The following PPP4R2 variants were observed in gnomAD, a reference collection of about 807,000 sequenced individuals.
PPP4R2 encodes serine/threonine-protein phosphatase 4 regulatory subunit 2.
A neutral mutation model predicts 47.2 loss-of-function variants in PPP4R2; 13 were observed. The observed-to-expected ratio is 0.28, with a 90% confidence interval of 0.18 to 0.44. PPP4R2 has a LOEUF of 0.44. Ranked by LOEUF, PPP4R2 falls within the 20% of genes least tolerant of loss-of-function variation. The pLI is 1.00. For synonymous variants in PPP4R2, 151 were observed against 163.3 expected (o/e 0.92, Z 0.57); for missense variants, 421 against 491.2 (o/e 0.86, Z 1.35).
chr3:73,032,948 T>A (rs1386047103), intron 2 of PPP4R2, among the ~76,000 whole-genome samples: 2 of 152,226 alleles, frequency 1.3e-5, no homozygotes, highest in East Asian at 3.9e-4. Context: ...TCTTAACTGC[T>A]CCATTCTGGA....
At chr3:73,045,255 G>C (rs142827979) in intron 2 of PPP4R2, among the ~76,000 whole-genome samples, 2 of 152,000 alleles carry the variant, frequency 1.3e-5, no homozygotes, top group Non-Finnish European at 2.9e-5. Context: ...TTCCTGTCTC[G>C]GCTTCCCAAA....
chr3:73,027,750 TAGTA>T (rs1354789735), intron 2 of PPP4R2: 1 of 151,468 alleles, frequency 6.6e-6, no homozygotes, highest in Non-Finnish European at 1.5e-5. Flanking sequence ...TGTTACTGGA[TAGTA>T]AGGGCAATGC....
intron 2 of PPP4R2, among the ~76,000 whole-genome samples, chr3:73,042,995 C>CT (rs995897650): frequency 2.0e-5 from 3 of 152,026 alleles, no homozygotes; most frequent in Admixed American, 1.3e-4. Context: ...CATTAATGTG[C>CT]TTTTTTTGGA....
intron 3 of PPP4R2, among the ~76,000 whole-genome samples, chr3:73,051,769 G>A (rs1049436854): frequency 4.6e-5 from 7 of 152,054 alleles, no homozygotes; most frequent in Non-Finnish European, 1.0e-4. Flanking sequence ...GGGACTACAG[G>A]CACCCGCCAC....
intron 2 of PPP4R2, among the ~76,000 whole-genome samples, chr3:73,019,219 A>G (rs1701909997): frequency 6.6e-6 from 1 of 152,220 alleles, no homozygotes; most frequent in Admixed American, 6.5e-5. Flanking sequence ...ATAGTAGACT[A>G]TACCATGTGG....
chr3:73,022,769 T>TTTC (rs1701985809), intron 2 of PPP4R2, among the ~76,000 whole-genome samples: 1 of 99,458 alleles, frequency 1.0e-5, no homozygotes, highest in Admixed American at 9.3e-5. Context: ...GCCGCATTTC[T>TTTC]TTTTTTTTTT....
intron 2 of PPP4R2, among the ~76,000 whole-genome samples, chr3:73,014,518 G>A (rs1264203496): frequency 1.3e-5 from 2 of 151,582 alleles, no homozygotes; most frequent in Non-Finnish European, 2.9e-5. Context: ...TCTCAACTGA[G>A]AATTGCTGAA....
intron 2 of PPP4R2, among the ~76,000 whole-genome samples, chr3:73,023,991 A>G (rs539142172): frequency 6.6e-6 from 1 of 152,266 alleles, no homozygotes; most frequent in East Asian, 1.9e-4. Context: ...ATTTTTCTTA[A>G]TTTGTATTTT....
At chr3:73,026,740 T>C (rs1702072614) in intron 2 of PPP4R2, among the ~76,000 whole-genome samples, 1 of 152,148 alleles carries the variant, frequency 6.6e-6, no homozygotes, top group Non-Finnish European at 1.5e-5. Flanking sequence ...TCATTAGTGT[T>C]AGTGTTAGTG....
At chr3:73,006,553 G>A (rs927095528) in intron 2 of PPP4R2, among the ~76,000 whole-genome samples, 2 of 152,106 alleles carry the variant, frequency 1.3e-5, no homozygotes, top group Admixed American at 6.6e-5. Flanking sequence ...TTAAGAACAC[G>A]GCAGTTTGCA....
intron 2 of PPP4R2, among the ~76,000 whole-genome samples, chr3:73,017,328 C>G (rs1475221080): frequency 7.1e-6 from 1 of 141,592 alleles, no homozygotes; most frequent in Non-Finnish European, 1.5e-5. Flanking sequence ...GTATACCTAA[C>G]CTTTAGTTTC....
At position 73,065,076 on chromosome 3, in the gene PPP4R2, A is replaced by T. The variant is rs756893834; in HGVS notation, c.863A>T (p.Asp288Val). ...ASSSSQDKDK[D>V]SRCTRQHCTE... Reference sequence around the variant, plus strand: ...TCTTCATCTCAGGATAAAGACAAAGATAGCCGTTGTACCCGGCAGCACTGT... The same window carrying T: ...TCTTCATCTCAGGATAAAGACAAAGTTAGCCGTTGTACCCGGCAGCACTGT... Residue 288 changes from aspartate (D) to valine (V), a missense_variant, in exon 8 of 9, where the codon GAT becomes GTT. This residue lies in a region of PPP4R2 where 317 missense variants were observed against 287.5 expected (regional missense o/e 1.10). Coordinates refer to ENST00000356692, the MANE Select transcript of PPP4R2 (RefSeq NM_174907.4). The T allele has an allele frequency of 1.2e-6, 2 of 1,613,952 alleles. No individual in the cohort carries two copies. The highest frequency in any genetic ancestry group is 1.7e-6 in the Non-Finnish European group (2 of 1,179,948).
chr3:73,022,954 G>A (rs1701989256), intron 2 of PPP4R2, among the ~76,000 whole-genome samples: 1 of 152,014 alleles, frequency 6.6e-6, no homozygotes. Flanking sequence ...TTAAATAATG[G>A]TGTGTTTCAG....
At chr3:73,009,568 T>C (rs9857344) in intron 2 of PPP4R2, among the ~76,000 whole-genome samples, 80,312 of 152,036 alleles carry the variant, frequency 0.53, 21,601 homozygotes, top group African/African-American at 0.62. Context: ...CATTACTGGA[T>C]ACCTGTCAAA....
chr3:73,065,191 C>A, intron 8 of PPP4R2, 50 bp downstream of exon 8: 1 of 1,502,394 alleles, frequency 6.7e-7, no homozygotes, highest in South Asian at 1.3e-5. Context: ...TCCTCAAATT[C>A]TTGTACTTCA....
Position 73,063,999 on chromosome 3 carries a change from A to C in PPP4R2, c.495-4A>C. The stretch of plus-strand genomic sequence containing the variant: ...GGAAATGATGTTCATTTATCTTATT[A>C]TAGGTCTAATATAAATGGGCCTGGG... On this transcript the variant is annotated splice_region_variant and splice_polypyrimidine_tract_variant and intron_variant, in intron 6 of 8. Transcript: ENST00000356692. 6.3e-7 allele frequency: 1 copy of C among 1,581,580 alleles called. No homozygotes were observed. The highest frequency in any genetic ancestry group is 8.5e-7 in the Non-Finnish European group (1 of 1,170,004).
At chr3:73,034,251 T>C (rs1485333934) in intron 2 of PPP4R2, among the ~76,000 whole-genome samples, 1 of 152,194 alleles carries the variant, frequency 6.6e-6, no homozygotes, top group Non-Finnish European at 1.5e-5. Flanking sequence ...ACAATGCACC[T>C]TTAAAAAAGA....
chr3:73,020,672 TAAAAA>T (rs1553646728), intron 2 of PPP4R2, among the ~76,000 whole-genome samples: 5 of 133,206 alleles, frequency 3.8e-5, no homozygotes, highest in Non-Finnish European at 6.3e-5. Context: ...CCTGTCTCTT[TAAAAA>T]AAAAAAAAAA....
intron 2 of PPP4R2, among the ~76,000 whole-genome samples, chr3:73,026,883 T>G (rs1041932436): frequency 1.3e-5 from 2 of 152,162 alleles, no homozygotes; most frequent in Non-Finnish European, 2.9e-5. Flanking sequence ...TCTGAAGCCA[T>G]AAAGCCTGGG....
Sources: gnomAD v4.1 joint callset for allele counts (sites outside exome capture counted in the v4.1 genomes callset) on GRCh38, gnomAD v4.1.1 for gene constraint, gnomAD v4.1.1 regional missense constraint, MANE v1.5 for transcripts, NCBI Gene and HGNC (gene_info 2026-07-23, HGNC 2026-07-21) for gene names.